The following STK32B variants were observed in gnomAD, a reference collection of about 807,000 sequenced individuals.
The protein encoded by STK32B is serine/threonine kinase 32B.
STK32B carries 43 observed loss-of-function variants against 52.6 expected under a neutral mutation model. The observed-to-expected ratio is 0.82, with a 90% CI of 0.64 to 1.05. The LOEUF (loss-of-function observed/expected upper bound fraction) is 1.05, where lower values mean the gene tolerates loss of function less well. Ranked by LOEUF, STK32B falls within the 50% of genes least tolerant of loss-of-function variation. The pLI, the probability that STK32B is intolerant of heterozygous loss-of-function variation, is 0.00. For synonymous variants in STK32B, 238 were observed against 204.3 expected (o/e 1.17, Z -1.41); for missense variants, 621 against 534.6 (o/e 1.16, Z -1.59).
chr4:5,405,052 G>A (rs989083421), intron 5 of STK32B, among the ~76,000 whole-genome samples: 3 of 151,750 alleles, frequency 2.0e-5, no homozygotes, highest in Non-Finnish European at 4.4e-5. Context: ...ATTTTTGGTA[G>A]AGACAGGGTT....
intron 6 of STK32B, among the ~76,000 whole-genome samples, chr4:5,425,596 G>A (rs1713025635): frequency 6.8e-6 from 1 of 146,514 alleles, no homozygotes; most frequent in African/African-American, 2.6e-5. Context: ...GTTTGTGAGG[G>A]AGACAGTCAG....
At chr4:5,203,566 G>C (rs1722323245) in intron 3 of STK32B, among the ~76,000 whole-genome samples, 1 of 152,070 alleles carries the variant, frequency 6.6e-6, no homozygotes, top group Non-Finnish European at 1.5e-5. Flanking sequence ...CTTTTGATTA[G>C]TGCCTGTTTC....
At chr4:5,209,952 C>T (rs564903675) in intron 3 of STK32B, among the ~76,000 whole-genome samples, 1 of 152,276 alleles carries the variant, frequency 6.6e-6, no homozygotes, top group East Asian at 1.9e-4. Flanking sequence ...TTTCCTGTTG[C>T]TGACACAGGG....
At chr4:5,393,367 A>G (rs114082112) in intron 4 of STK32B, among the ~76,000 whole-genome samples, 1,741 of 152,272 alleles carry the variant, frequency 0.011, 21 homozygotes, top group South Asian at 0.057. Flanking sequence ...TTATTATCCA[A>G]CTTATAAGTG....
chr4:5,261,689 C>G (rs7690547), intron 3 of STK32B, among the ~76,000 whole-genome samples: 29,785 of 152,050 alleles, frequency 0.2, 5,996 homozygotes, highest in African/African-American at 0.51. Context: ...TTATGAACTA[C>G]CACCTAGGAC....
chr4:5,390,822 G>A (rs1736550489), intron 4 of STK32B, among the ~76,000 whole-genome samples: 1 of 152,080 alleles, frequency 6.6e-6, no homozygotes, highest in South Asian at 2.1e-4. Flanking sequence ...GAAGCTCTGA[G>A]AGAGAAGTCC....
At chr4:5,294,391 CT>C (rs1242206506) in intron 3 of STK32B, among the ~76,000 whole-genome samples, 1 of 152,044 alleles carries the variant, frequency 6.6e-6, no homozygotes, top group Non-Finnish European at 1.5e-5. Context: ...GATATTGATT[CT>C]TCCTATCCAT....
intron 3 of STK32B, among the ~76,000 whole-genome samples, chr4:5,212,773 T>C (rs1184749881): frequency 6.6e-6 from 1 of 152,154 alleles, no homozygotes; most frequent in Non-Finnish European, 1.5e-5. Flanking sequence ...TTGCACGAGG[T>C]TGGGGCTGCT....
chr4:5,295,517 C>T (rs931542168), intron 3 of STK32B, among the ~76,000 whole-genome samples: 2 of 152,010 alleles, frequency 1.3e-5, no homozygotes, highest in Non-Finnish European at 2.9e-5. Context: ...TGTGTGTGTC[C>T]TGGAATTTAT....
rs1466990048 is a variant in STK32B at position 5,058,846 on chromosome 4, G to T, written c.52+6931G>T. On this transcript the variant is annotated intron_variant, in intron 1 of 11. Coordinates refer to ENST00000282908, the MANE Select transcript of STK32B (RefSeq NM_018401.3). The surrounding 1 kb of genome is among the most constrained non-coding windows in gnomAD (Gnocchi z 4.8). The stretch of plus-strand genomic sequence containing the variant: ...GCTCACTGCAACCTCTGCCTCCCAG[G>T]TTCAAGCGATTCTCATGCCTCAGCC... Among the ~76,000 whole-genome samples, 1 of 152,230 alleles carries T rather than the reference G, an allele frequency of 6.6e-6. No individual in the cohort carries two copies. The highest frequency in any genetic ancestry group is 1.9e-4 in the East Asian group (1 of 5,180).
intron 4 of STK32B, among the ~76,000 whole-genome samples, chr4:5,353,954 T>G (rs965242217): frequency 6.6e-6 from 1 of 152,186 alleles, no homozygotes; most frequent in Non-Finnish European, 1.5e-5. Flanking sequence ...GCCACACTAT[T>G]CACAATTGCG....
At chr4:5,075,014 T>C (rs1401841782) in intron 1 of STK32B, among the ~76,000 whole-genome samples, 5 of 152,178 alleles carry the variant, frequency 3.3e-5, no homozygotes, top group African/African-American at 1.2e-4. Context: ...TTTTCACCCA[T>C]TGTTACACTG....
intron 3 of STK32B, among the ~76,000 whole-genome samples, chr4:5,289,486 C>G (rs1231576502): frequency 6.6e-6 from 1 of 151,762 alleles, no homozygotes; most frequent in Non-Finnish European, 1.5e-5. Flanking sequence ...TGTCTCCCAG[C>G]CAATAAATAT....
the STK32B span, among the ~76,000 whole-genome samples, chr4:5,023,245 C>T: frequency 6.6e-6 from 1 of 152,110 alleles, no homozygotes; most frequent in South Asian, 2.1e-4. Context: ...TGCTTGGAGT[C>T]CCTCGGTTTG....
At chr4:5,410,615 A>G (rs1333808023) in intron 5 of STK32B, among the ~76,000 whole-genome samples, 2 of 152,182 alleles carry the variant, frequency 1.3e-5, no homozygotes, top group Non-Finnish European at 2.9e-5. Context: ...TAAGACTGCT[A>G]TACCAGGCTA....
At chr4:5,198,898 A>G (rs1721905953) in intron 3 of STK32B, among the ~76,000 whole-genome samples, 1 of 149,520 alleles carries the variant, frequency 6.7e-6, no homozygotes. Flanking sequence ...GTGTTTATAC[A>G]GAGGTGGCTG....
chr4:5,371,840 C>CCT (rs1735266584), intron 4 of STK32B, among the ~76,000 whole-genome samples: 1 of 152,212 alleles, frequency 6.6e-6, no homozygotes, highest in Non-Finnish European at 1.5e-5. Context: ...AGTTTGCTGA[C>CCT]CTCTCTCTCT....
At chr4:5,278,320 T>C (rs1053341771) in intron 3 of STK32B, among the ~76,000 whole-genome samples, 1 of 152,220 alleles carries the variant, frequency 6.6e-6, no homozygotes, top group Non-Finnish European at 1.5e-5. Context: ...GAGCCAATGC[T>C]GCAGCTGCCC....
At chr4:5,471,452 A>T (rs949448461) in intron 11 of STK32B, among the ~76,000 whole-genome samples, 1 of 152,082 alleles carries the variant, frequency 6.6e-6, no homozygotes, top group Non-Finnish European at 1.5e-5. Flanking sequence ...CAGCGCTGGG[A>T]GGAAGGACTG....
Sources: allele counts gnomAD v4.1 joint callset (sites outside exome capture counted in the v4.1 genomes callset), GRCh38; gene constraint gnomAD v4.1.1; non-coding constraint Gnocchi (gnomAD v3.1); transcripts MANE v1.5; gene names NCBI Gene and HGNC (gene_info 2026-07-23, HGNC 2026-07-21).